The following ADCY8 variants were observed in gnomAD, a reference collection of about 807,000 sequenced individuals.
The protein encoded by ADCY8 is adenylate cyclase type 8.
Under a neutral mutation model 119.7 loss-of-function variants are expected in ADCY8, and 51 were observed. The observed-to-expected ratio is 0.43, with a 90% CI of 0.34 to 0.54. The LOEUF (loss-of-function observed/expected upper bound fraction) is 0.54. ADCY8 is among the 20% of genes least tolerant of loss of function. ADCY8 has a pLI of 0.03. For missense variants in ADCY8, 1,383 were observed against 1,598.8 expected (o/e 0.87, Z 2.30); for synonymous variants, 665 against 651.0 (o/e 1.02, Z -0.33).
intron 2 of ADCY8, among the ~76,000 whole-genome samples, chr8:130,965,131 T>G (rs1821723874): frequency 6.6e-6 from 1 of 152,220 alleles, no homozygotes; most frequent in Non-Finnish European, 1.5e-5. Flanking sequence ...ATTTCTTTCA[T>G]TTTTTACTCT....
intron 13 of ADCY8, among the ~76,000 whole-genome samples, chr8:130,818,150 C>T (rs1816402545): frequency 6.6e-6 from 1 of 152,180 alleles, no homozygotes; most frequent in Non-Finnish European, 1.5e-5. Context: ...TAAGAAATGA[C>T]AGCCCTGGAA....
At chr8:130,978,145 G>T (rs147438104) in intron 2 of ADCY8, among the ~76,000 whole-genome samples, 95 of 152,266 alleles carry the variant, frequency 6.2e-4, no homozygotes, top group African/African-American at 2.2e-3. Context: ...ATAGAAGTCA[G>T]CACAAGGCAT....
intron 1 of ADCY8, among the ~76,000 whole-genome samples, chr8:130,998,623 T>A (rs1822851923): frequency 6.6e-6 from 1 of 152,150 alleles, no homozygotes. Flanking sequence ...CTTGGGCGAC[T>A]GGGAAGAAAA....
At chr8:130,846,793 T>C (rs1437421834) in intron 11 of ADCY8, among the ~76,000 whole-genome samples, 1 of 50,114 alleles carries the variant, frequency 2.0e-5, no homozygotes, top group Admixed American at 2.4e-4. Context: ...TCCTTCCTTC[T>C]CCTTCCTTCC....
At chr8:130,896,238 G>T (rs1382192287) in intron 7 of ADCY8, among the ~76,000 whole-genome samples, 1 of 152,042 alleles carries the variant, frequency 6.6e-6, no homozygotes, top group Non-Finnish European at 1.5e-5. Context: ...CTAAGCTCCG[G>T]AGTGCTTGCC....
chr8:130,805,945 A>G (rs1815936685), intron 14 of ADCY8, among the ~76,000 whole-genome samples: 1 of 152,178 alleles, frequency 6.6e-6, no homozygotes, highest in African/African-American at 2.4e-5. Context: ...CCCGGGCCCC[A>G]CAATTGTCTC....
chr8:130,835,312 G>A (rs796329258), intron 12 of ADCY8, among the ~76,000 whole-genome samples: 3 of 152,274 alleles, frequency 2.0e-5, no homozygotes, highest in African/African-American at 7.2e-5. Flanking sequence ...CAGGGAAGGA[G>A]CCAGCAGACA....
rs1276551567 is a variant in ADCY8 at position 130,852,253 on chromosome 8, GT to G, written c.2211-2451del. Among the ~76,000 whole-genome samples the G allele has an allele frequency of 2.0e-5, 3 of 151,952 alleles. No individual in the cohort carries two copies. The East Asian group carries it at 5.8e-4, about 29-fold the overall frequency. Reference sequence around the variant, plus strand: ...ACAGCCTCAGCTATTGTTGGTAGAGGTTTTTTTTGTTTGTTTTTGACTAGCA... The same window carrying G: ...ACAGCCTCAGCTATTGTTGGTAGAGGTTTTTTTGTTTGTTTTTGACTAGCA... On this transcript the variant is annotated intron_variant, in intron 9 of 17. Transcript: ENST00000286355.
At chr8:130,794,461 G>A (rs564411350) in intron 15 of ADCY8, among the ~76,000 whole-genome samples, 371 of 152,240 alleles carry the variant, frequency 2.4e-3, no homozygotes, top group African/African-American at 8.8e-3. Flanking sequence ...GGCCAGACTG[G>A]TCTCGAACTC....
chr8:131,028,667 CTG>C (rs1823897645), intron 1 of ADCY8, among the ~76,000 whole-genome samples: 1 of 152,116 alleles, frequency 6.6e-6, no homozygotes, highest in Non-Finnish European at 1.5e-5. Context: ...TTTTAGAAGT[CTG>C]TAGATAAACT....
intron 5 of ADCY8, 49 bp downstream of exon 5, chr8:130,937,024 G>A (rs1159953041): frequency 6.4e-7 from 1 of 1,568,418 alleles, no homozygotes; most frequent in South Asian, 1.2e-5. Flanking sequence ...AGTGGCCTGT[G>A]ATCGTGCACA....
chr8:130,837,485 C>T (rs775568560), intron 11 of ADCY8, among the ~76,000 whole-genome samples: 2 of 152,170 alleles, frequency 1.3e-5, no homozygotes, highest in Non-Finnish European at 2.9e-5. Context: ...CTCCACAGCA[C>T]CCTGCATAGA....
intron 11 of ADCY8, among the ~76,000 whole-genome samples, chr8:130,836,861 A>G (rs1203484375): frequency 2.0e-5 from 3 of 151,866 alleles, no homozygotes; most frequent in Admixed American, 6.6e-5. Flanking sequence ...AGCTTCCCCA[A>G]TAGCTGGGAT....
chr8:130,984,262 T>G (rs1822329091), intron 2 of ADCY8, among the ~76,000 whole-genome samples: 1 of 151,986 alleles, frequency 6.6e-6, no homozygotes, highest in Non-Finnish European at 1.5e-5. Flanking sequence ...CCCTGTGGGG[T>G]AGACTGCCTG....
intron 1 of ADCY8, among the ~76,000 whole-genome samples, chr8:130,993,674 G>C (rs1184637646): frequency 6.6e-6 from 1 of 152,106 alleles, no homozygotes; most frequent in Non-Finnish European, 1.5e-5. Flanking sequence ...CTTTCATTCT[G>C]TCTTGCCTGC....
intron 5 of ADCY8, among the ~76,000 whole-genome samples, chr8:130,910,564 G>A (rs1379216068): frequency 2.6e-5 from 4 of 152,174 alleles, no homozygotes; most frequent in South Asian, 4.1e-4. Flanking sequence ...ACTACTTAGA[G>A]CTGTGGTCTC....
intron 5 of ADCY8, among the ~76,000 whole-genome samples, chr8:130,917,551 G>A (rs1010544371): frequency 6.6e-6 from 1 of 152,168 alleles, no homozygotes; most frequent in Non-Finnish European, 1.5e-5. Context: ...TGGTGTTCTT[G>A]AAGATGAAAG....
At chr8:130,930,453 G>A (rs768282061) in intron 5 of ADCY8, among the ~76,000 whole-genome samples, 29 of 152,082 alleles carry the variant, frequency 1.9e-4, no homozygotes, top group Non-Finnish European at 3.1e-4. Flanking sequence ...GGGTTTCACC[G>A]TGTTAACCAG....
intron 7 of ADCY8, among the ~76,000 whole-genome samples, chr8:130,886,362 G>C (rs1412065670): frequency 1.3e-5 from 2 of 152,052 alleles, no homozygotes; most frequent in Non-Finnish European, 2.9e-5. Context: ...GGCATGTTAG[G>C]AGAAGGGCTG....
Sources: allele counts gnomAD v4.1 joint callset (sites outside exome capture counted in the v4.1 genomes callset), GRCh38; gene constraint gnomAD v4.1.1; transcripts MANE v1.5; gene names NCBI Gene and HGNC (gene_info 2026-07-23, HGNC 2026-07-21).